Variants in RP1L1 observed in about 807,000 individuals in gnomAD.
RP1L1 encodes the protein retinitis pigmentosa 1-like 1 protein.
Under a neutral mutation model 15.7 loss-of-function variants are expected in RP1L1, and 27 were observed. The ratio of observed to expected loss-of-function variants is 1.72; its 90% CI spans 1.27 to 2.38. The LOEUF (loss-of-function observed/expected upper bound fraction) is 2.38. Ranked by LOEUF, RP1L1 falls within the 30% of genes most tolerant of loss-of-function variation. RP1L1 has a pLI of 0.00. For synonymous variants in RP1L1, 1,813 were observed against 1,276.7 expected, an observed-to-expected ratio of 1.42 and a Z score of -8.96; for missense variants, 4,798 against 3,075.9, an observed-to-expected ratio of 1.56 and a Z score of -13.24.
chr8:10,612,674 G>T lies in RP1L1; in HGVS notation c.1424C>A (p.Thr475Asn). Residue 475 changes from threonine (T) to asparagine (N), a missense_variant, in exon 4 of 4, where the codon ACC becomes AAC. By Grantham distance (65) the Thr-to-Asn change is moderately conservative (BLOSUM62 0). Transcript: ENST00000382483. ...SEPESSCCPR[T>N]PEDGVDSASP... ...GGCACTGTCCACCCCGTCCTCCGGG[G>T]TCCTGGGGCAGCAGGAGGACTCTGG... 1.2e-6 allele frequency: 2 copies of T among 1,601,790 alleles called. No homozygotes were observed. The highest frequency in any genetic ancestry group is 2.2e-5 in the East Asian group (1 of 44,730).
chr8:10,643,154 A>T (rs1046259593), intron 1 of RP1L1, among the ~76,000 whole-genome samples: 1 of 152,102 alleles, frequency 6.6e-6, no homozygotes, highest in African/African-American at 2.4e-5. Flanking sequence ...CTGGGAAAGC[A>T]TGGCAAGACG....
rs753986875 is a variant in RP1L1, at chr8:10,616,623, C to T, written c.610-36G>A. 30 of 1,593,288 alleles carry T rather than the reference C, an allele frequency of 1.9e-5. No individual in the cohort carries two copies. In the South Asian group the frequency reaches 2.3e-4, roughly 12 times the overall value. ...AGCGGGCGGGGTCAGGAGGCCTGGGCTGCAGAAACCCCTCTACCCTGAGGC... is the reference window on the plus strand; with the variant it reads ...AGCGGGCGGGGTCAGGAGGCCTGGGTTGCAGAAACCCCTCTACCCTGAGGC... On this transcript the variant is annotated intron_variant, in intron 2 of 3. Transcript: ENST00000382483.
Position 10,608,882 on chromosome 8 carries a change from C to A in RP1L1, c.5216G>T (p.Gly1739Val). 6.2e-7 allele frequency: 1 copy of A among 1,614,024 alleles called. No homozygotes were observed. Among genetic ancestry groups the A allele is most frequent in the Non-Finnish European group, 8.5e-7 (1 of 1,180,046 alleles). Residue 1739 changes from glycine to valine, a missense_variant, in exon 4 of 4, where the codon GGA (glycine) becomes GTA (valine). Coordinates refer to ENST00000382483, the MANE Select transcript of RP1L1 (RefSeq NM_178857.6). The stretch of plus-strand genomic sequence containing the variant: ...CTCGCCATCCTCACCCTCGTCCACT[C>A]CAGGCCCCTGGCTCAGCCCCGGCCC... Reference protein sequence around the residue: ...GLGPGLSQGPGVDEGEDGEGS... With the variant: ...GLGPGLSQGPVVDEGEDGEGS...
intron 1 of RP1L1, among the ~76,000 whole-genome samples, chr8:10,633,330 C>G (rs976567351): frequency 6.6e-6 from 1 of 152,222 alleles, no homozygotes; most frequent in African/African-American, 2.4e-5. Context: ...AACCCGAAAT[C>G]AGAGGGCAAG....
At chr8:10,650,237 A>C (rs71516587) in intron 1 of RP1L1, among the ~76,000 whole-genome samples, 13,380 of 152,146 alleles carry the variant, frequency 0.088, 676 homozygotes, top group South Asian at 0.11. Context: ...AATCAACCCC[A>C]AATTTCCCTG....
intron 1 of RP1L1, among the ~76,000 whole-genome samples, chr8:10,634,480 A>G (rs1250527188): frequency 6.6e-6 from 1 of 152,200 alleles, no homozygotes; most frequent in African/African-American, 2.4e-5. Context: ...CAAAGAATGC[A>G]AAACAGCCGA....
chr8:10,618,506 C>A (rs1355775833), intron 2 of RP1L1, among the ~76,000 whole-genome samples: 1 of 152,030 alleles, frequency 6.6e-6, no homozygotes, highest in East Asian at 1.9e-4. Context: ...AACTCCATCT[C>A]AAAAACAAAG....
chr8:10,634,512 G>T (rs1008624997), intron 1 of RP1L1, among the ~76,000 whole-genome samples: 10 of 152,222 alleles, frequency 6.6e-5, no homozygotes, highest in Non-Finnish European at 1.5e-5. Context: ...CGAGGATCAG[G>T]TCTGGTGTTG....
At chr8:10,615,707 C>T (rs936466976) in intron 3 of RP1L1, among the ~76,000 whole-genome samples, 3 of 151,456 alleles carry the variant, frequency 2.0e-5, no homozygotes, top group Non-Finnish European at 2.9e-5. Context: ...TTGTTCATTA[C>T]TTATTGATGT....
At chr8:10,626,010 G>A (rs1798151889) in intron 1 of RP1L1, among the ~76,000 whole-genome samples, 1 of 152,092 alleles carries the variant, frequency 6.6e-6, no homozygotes, top group Admixed American at 6.5e-5. Flanking sequence ...GTGGGAGGGG[G>A]TAGACGGAGC....
At chr8:10,627,104 G>A (rs1341021516) in intron 1 of RP1L1, among the ~76,000 whole-genome samples, 2 of 152,042 alleles carry the variant, frequency 1.3e-5, no homozygotes, top group East Asian at 1.9e-4. Flanking sequence ...GCATAGAATT[G>A]CCACATGATC....
intron 1 of RP1L1, among the ~76,000 whole-genome samples, chr8:10,637,667 A>C (rs1350725884): frequency 1.3e-5 from 2 of 152,224 alleles, no homozygotes; most frequent in African/African-American, 2.4e-5. Flanking sequence ...CACTCTAGTT[A>C]AGTATAGCTC....
chr8:10,639,973 C>T (rs4240662), intron 1 of RP1L1, among the ~76,000 whole-genome samples: 129,198 of 152,248 alleles, frequency 0.85, 54,995 homozygotes, highest in South Asian at 0.9. Context: ...TATATGCAAT[C>T]TATTTATTGT....
Position 10,612,476 on chromosome 8 carries a change from G to C in RP1L1, c.1622C>G (p.Ser541Cys). ...ASSDSSASTG[S>C]HEGSSEWGGR... ...ACCCCATTCGCTGGATCCCTCATGA[G>C]AGCCGGTGCTGGCTGACGAGTCCGA... The change falls in exon 4 of 4, where the codon TCT (serine) becomes TGT (cysteine). Residue 541 changes from serine (S) to cysteine (C), a missense_variant. Physicochemically the swap from Ser to Cys is moderately radical, Grantham distance 112. Transcript: ENST00000382483. 6.2e-7 allele frequency: 1 copy of C among 1,612,644 alleles called. No individual in the cohort carries two copies. The highest frequency in any genetic ancestry group is 1.3e-5 in the African/African-American group (1 of 75,066).
chr8:10,622,692 GAGAA>G lies in RP1L1; in HGVS notation c.506_509del (p.Val169AlafsTer24). 1 of 1,614,176 alleles carries G rather than the reference GAGAA, an allele frequency of 6.2e-7. No homozygotes were observed. The highest frequency in any genetic ancestry group is 8.5e-7 in the Non-Finnish European group (1 of 1,180,026). ...CCAGGTTCCTAGTATTCCTGTGACTGAGAACCACTGTCTGCTGGAGGCGAGGGTC... is the reference window on the plus strand; with the variant it reads ...CCAGGTTCCTAGTATTCCTGTGACTGCCACTGTCTGCTGGAGGCGAGGGTC... On this transcript the variant is annotated frameshift_variant, in exon 2 of 4. Transcript: ENST00000382483. LOFTEE classifies it high-confidence loss of function.
At chr8:10,613,476 G>A (rs893048826) in intron 3 of RP1L1, 130 bp from the exon 4 acceptor site, 51 of 1,325,692 alleles carry the variant, frequency 3.8e-5, no homozygotes, top group African/African-American at 1.5e-4. Context: ...CAAAATGCAC[G>A]GTGACAGCTG....
chr8:10,633,308 T>C (rs965134447), intron 1 of RP1L1, among the ~76,000 whole-genome samples: 2 of 152,100 alleles, frequency 1.3e-5, no homozygotes, highest in African/African-American at 4.8e-5. Context: ...AGTGCCCCCA[T>C]TGACCAAATC....
At chr8:10,631,302 C>A (rs1798240735) in intron 1 of RP1L1, among the ~76,000 whole-genome samples, 1 of 106,956 alleles carries the variant, frequency 9.3e-6, no homozygotes, top group South Asian at 3.6e-4. Context: ...CACAAACACG[C>A]ATGCACACAC....
At chr8:10,643,225 A>G (rs1202477075) in intron 1 of RP1L1, among the ~76,000 whole-genome samples, 1 of 152,182 alleles carries the variant, frequency 6.6e-6, no homozygotes, top group Non-Finnish European at 1.5e-5. Flanking sequence ...CTGTAGTCCC[A>G]GCTACTCAGG....
Sources: allele counts gnomAD v4.1 joint callset (sites outside exome capture counted in the v4.1 genomes callset), GRCh38; gene constraint gnomAD v4.1.1; transcripts MANE v1.5; gene names NCBI Gene and HGNC (gene_info 2026-07-23, HGNC 2026-07-21).